The following PCED1B variants were observed in gnomAD, a reference collection of about 807,000 sequenced individuals.
PCED1B encodes the protein PC-esterase domain-containing protein 1B.
For missense variants in PCED1B, 573 were observed against 573.9 expected (o/e 1.00, Z 0.02); for synonymous variants, 251 against 246.1 (o/e 1.02, Z -0.19).
chr12:47,102,059 T>C (rs1462306512), intron 1 of PCED1B, among the ~76,000 whole-genome samples: 1 of 152,226 alleles, frequency 6.6e-6, no homozygotes, highest in Non-Finnish European at 1.5e-5. Context: ...TCCCAAGTAG[T>C]TCCCAAGAAA....
rs531825706 is a variant in PCED1B at position 47,226,699 on chromosome 12, C to T, written c.-57-8308C>T. ...CAAAATTGCCTTTTCATACCTAGTC[C>T]TTGCACCCAGTGCACTATTTGGCTC... is the stretch of plus-strand genomic sequence containing the variant. On this transcript the variant is annotated intron_variant, in intron 3 of 3. Coordinates refer to ENST00000546455, the MANE Select transcript of PCED1B (RefSeq NM_138371.3). 2.6e-5 allele frequency among the ~76,000 whole-genome samples: 4 copies of T among 152,252 alleles called. No homozygotes were observed. The South Asian group carries it at 8.3e-4, about 32-fold the overall frequency.
In PCED1B at chr12:47,153,355, C is replaced by CAA. The variant is rs11299918; in HGVS notation, c.-526+49180_-526+49181dup. 1.3e-3 allele frequency among the ~76,000 whole-genome samples: 122 copies of CAA among 95,008 alleles called. 1 individual carries two copies. The highest frequency in any genetic ancestry group is 2.6e-3 in the African/African-American group (64 of 24,160). 62.3% of individuals were successfully genotyped at this position (95,008 alleles called of 152,430 possible). On this transcript the variant is annotated intron_variant, in intron 2 of 3. Coordinates refer to ENST00000546455, the MANE Select transcript of PCED1B (RefSeq NM_138371.3). ...TGGGTGACAGAGCAAGACTCCTTCT[C>CAA]AAAAAAAAAAAAAAAAAAAAAGAGA...
intron 2 of PCED1B, among the ~76,000 whole-genome samples, chr12:47,211,077 G>C (rs1943063295): frequency 6.6e-6 from 1 of 152,088 alleles, no homozygotes; most frequent in Non-Finnish European, 1.5e-5. Flanking sequence ...GTTTTCAGTA[G>C]AATTTTAAAA....
intron 2 of PCED1B, among the ~76,000 whole-genome samples, chr12:47,141,683 A>G (rs186627738): frequency 1.1e-4 from 16 of 152,290 alleles, no homozygotes; most frequent in Admixed American, 8.5e-4. Flanking sequence ...TCCACAGCAT[A>G]CCTTCAAAGA....
At chr12:47,165,704 T>G (rs1288000808) in intron 2 of PCED1B, among the ~76,000 whole-genome samples, 2 of 152,328 alleles carry the variant, frequency 1.3e-5, no homozygotes, top group Admixed American at 1.3e-4. Context: ...TTCTTCCATT[T>G]AAAAAAGTTT....
chr12:47,112,937 G>A (rs1218773044), intron 2 of PCED1B, among the ~76,000 whole-genome samples: 1 of 152,170 alleles, frequency 6.6e-6, no homozygotes, highest in African/African-American at 2.4e-5. Flanking sequence ...GCCCTGCTGT[G>A]TGCAAAAGCA....
intron 1 of PCED1B, among the ~76,000 whole-genome samples, chr12:47,086,621 A>C (rs1027131462): frequency 6.6e-6 from 1 of 152,116 alleles, no homozygotes; most frequent in Admixed American, 6.5e-5. Context: ...GCTTTAAAAA[A>C]CTCAGTGTGT....
chr12:47,149,816 A>G (rs1207513996), intron 2 of PCED1B, among the ~76,000 whole-genome samples: 4 of 152,228 alleles, frequency 2.6e-5, no homozygotes, highest in Non-Finnish European at 1.5e-5. Flanking sequence ...AGACTAAATC[A>G]CATTCTGTAC....
At chr12:47,134,848 C>T (rs1940286264) in intron 2 of PCED1B, among the ~76,000 whole-genome samples, 2 of 152,190 alleles carry the variant, frequency 1.3e-5, no homozygotes, top group Admixed American at 1.3e-4. Flanking sequence ...AGCCTGGTGA[C>T]AGAGTGAGAC....
chr12:47,157,721 C>G (rs1365520793), intron 2 of PCED1B, among the ~76,000 whole-genome samples: 1 of 151,966 alleles, frequency 6.6e-6, no homozygotes, highest in Non-Finnish European at 1.5e-5. Flanking sequence ...CCATAATGTG[C>G]TACTATCACC....
chr12:47,211,892 G>T (rs1280336028), intron 2 of PCED1B, among the ~76,000 whole-genome samples: 1 of 151,186 alleles, frequency 6.6e-6, no homozygotes, highest in Non-Finnish European at 1.5e-5. Context: ...CGGCTAAAAC[G>T]GTGAAACCCC....
intron 3 of PCED1B, among the ~76,000 whole-genome samples, chr12:47,228,048 T>TTG (rs1943687371): frequency 6.6e-6 from 1 of 151,464 alleles, no homozygotes; most frequent in Middle Eastern, 3.2e-3. Context: ...CTTTTTTTTT[T>TTG]TTTGAGACAA....
intron 2 of PCED1B, among the ~76,000 whole-genome samples, chr12:47,135,314 AT>A (rs1940307780): frequency 6.6e-6 from 1 of 152,062 alleles, no homozygotes; most frequent in Middle Eastern, 3.4e-3. Flanking sequence ...TTTTATTTTT[AT>A]TTTTTTGCAC....
intron 2 of PCED1B, among the ~76,000 whole-genome samples, chr12:47,124,085 A>G (rs1939787780): frequency 6.6e-6 from 1 of 152,044 alleles, no homozygotes; most frequent in African/African-American, 2.4e-5. Flanking sequence ...GTTTTCACAC[A>G]TGTATACTGC....
At chr12:47,200,933 T>C (rs1022622798) in intron 2 of PCED1B, among the ~76,000 whole-genome samples, 1 of 152,226 alleles carries the variant, frequency 6.6e-6, no homozygotes, top group African/African-American at 2.4e-5. Flanking sequence ...TAGACATTTG[T>C]TTGAAGTTAT....
rs569746993 is a variant in PCED1B, at chr12:47,235,510, C to T, written c.447C>T (p.Cys149=). The T allele has an allele frequency of 1.9e-6, 3 of 1,612,472 alleles. No homozygotes were observed. Among genetic ancestry groups the T allele is most frequent in the Admixed American group, 1.7e-5 (1 of 59,952 alleles). The change falls in exon 4 of 4, where the codon TGC becomes TGT. Residue 149 remains cysteine, a synonymous_variant. Coordinates refer to ENST00000546455, the MANE Select transcript of PCED1B (RefSeq NM_138371.3). The stretch of plus-strand genomic sequence containing the variant: ...AGAACCTGGAGAACCTGTTCCAGTG[C>T]CTGGGCCAGGTGCTGCCCGAGTCTT... ...YLENLENLFQ[C]LGQVLPESCL...
chr12:47,230,182 T>C (rs1179605096), intron 3 of PCED1B, among the ~76,000 whole-genome samples: 2 of 150,044 alleles, frequency 1.3e-5, no homozygotes, highest in Non-Finnish European at 3.0e-5. Flanking sequence ...CCTCCCAGGT[T>C]CACACCTTTC....
intron 2 of PCED1B, among the ~76,000 whole-genome samples, chr12:47,166,532 T>C (rs1212278285): frequency 6.6e-6 from 1 of 152,214 alleles, no homozygotes; most frequent in Non-Finnish European, 1.5e-5. Flanking sequence ...CAATAGTGTA[T>C]GAATTAATTA....
rs74393101 is a variant in PCED1B at position 47,115,316 on chromosome 12, C to T, written c.-526+11121C>T. 8.5e-5 allele frequency among the ~76,000 whole-genome samples: 13 copies of T among 152,252 alleles called. No individual in the cohort carries two copies. The East Asian group carries it at 1.4e-3, about 16-fold the overall frequency. On this transcript the variant is annotated intron_variant, in intron 2 of 3. Coordinates refer to ENST00000546455, the MANE Select transcript of PCED1B (RefSeq NM_138371.3). ...ACCACCTTTGCATGGTATCTTCACT[C>T]GGTTCTCACTCCTGCTATTGTGGTT...
Sources: gnomAD v4.1 joint callset for allele counts (sites outside exome capture counted in the v4.1 genomes callset) on GRCh38, gnomAD v4.1.1 for gene constraint, MANE v1.5 for transcripts, NCBI Gene and HGNC (gene_info 2026-07-23, HGNC 2026-07-21) for gene names.